MOB3B: variants seen among roughly 807,000 people sequenced by gnomAD.
MOB3B encodes MOB kinase activator 3B.
In MOB3B, 7 loss-of-function variants were observed where a neutral mutation model predicts 18.7. The observed-to-expected ratio is 0.37, with a 90% CI of 0.21 to 0.70. MOB3B has a LOEUF of 0.70. Ranked by LOEUF, MOB3B falls within the 30% of genes least tolerant of loss-of-function variation. The pLI is 0.52. For missense variants in MOB3B, 253 were observed against 281.3 expected, an observed-to-expected ratio of 0.90 and a Z score of 0.72; for synonymous variants, 111 against 99.9, an observed-to-expected ratio of 1.11 and a Z score of -0.66.
intron 1 of MOB3B, chr9:27,524,210 A>C (rs1029558493): frequency 1.9e-5 from 18 of 939,736 alleles, no homozygotes; most frequent in Non-Finnish European, 2.6e-5. Context: ...ACCTTGGTTA[A>C]CTGTGAAATG....
chr9:27,470,030 G>A (rs1489418491), intron 1 of MOB3B, among the ~76,000 whole-genome samples: 4 of 150,364 alleles, frequency 2.7e-5, no homozygotes, highest in Non-Finnish European at 4.4e-5. Context: ...GATCACATGA[G>A]CCTAGGAGTT....
chr9:27,473,691 G>A (rs1049570975), intron 1 of MOB3B, among the ~76,000 whole-genome samples: 4 of 152,050 alleles, frequency 2.6e-5, no homozygotes, highest in African/African-American at 4.8e-5. Flanking sequence ...AGCTTCATCA[G>A]AGGTCATGCA....
At chr9:27,359,978 C>T (rs1821249587) in intron 2 of MOB3B, among the ~76,000 whole-genome samples, 1 of 152,178 alleles carries the variant, frequency 6.6e-6, no homozygotes. Context: ...CTAAGCTAAA[C>T]AGACATTGTT....
chr9:27,358,365 T>A (rs117702293), intron 3 of MOB3B, among the ~76,000 whole-genome samples: 2 of 152,204 alleles, frequency 1.3e-5, no homozygotes, highest in African/African-American at 4.8e-5. Flanking sequence ...GAAGCACAGA[T>A]TGAGTGCCAC....
chr9:27,517,505 G>A (rs1172173280), intron 1 of MOB3B, among the ~76,000 whole-genome samples: 3 of 151,664 alleles, frequency 2.0e-5, no homozygotes, highest in African/African-American at 7.3e-5. Context: ...AAAATTAGCC[G>A]GGCGTAGTGG....
intron 2 of MOB3B, among the ~76,000 whole-genome samples, chr9:27,404,186 T>C (rs1004735927): frequency 2.0e-5 from 3 of 151,920 alleles, no homozygotes; most frequent in African/African-American, 7.3e-5. Context: ...AACGAGAACA[T>C]GTGCTATTTA....
chr9:27,376,818 C>G (rs974137953), intron 2 of MOB3B, among the ~76,000 whole-genome samples: 2 of 152,216 alleles, frequency 1.3e-5, no homozygotes, highest in African/African-American at 4.8e-5. Context: ...GGACAAGGGT[C>G]CAGCAATCTG....
chr9:27,341,512 A>G (rs750996050), intron 3 of MOB3B, among the ~76,000 whole-genome samples: 3 of 152,240 alleles, frequency 2.0e-5, no homozygotes, highest in Non-Finnish European at 4.4e-5. Flanking sequence ...CTCCTTTGGT[A>G]GGAACAAAGT....
chr9:27,442,562 T>G (rs1404121416), intron 2 of MOB3B, among the ~76,000 whole-genome samples: 1 of 152,180 alleles, frequency 6.6e-6, no homozygotes, highest in Non-Finnish European at 1.5e-5. Flanking sequence ...GCCAGGTATT[T>G]CTACCTCCCA....
intron 2 of MOB3B, among the ~76,000 whole-genome samples, chr9:27,416,544 ATTTTTTTTTTTTT>A (rs559806304): frequency 0.065 from 7,894 of 121,504 alleles, 807 homozygotes; most frequent in African/African-American, 0.22. Context: ...TTTCTTTTTA[ATTTTTTTTTTTTT>A]TTTTTTTTTT....
At chr9:27,384,937 G>T (rs1000371182) in intron 2 of MOB3B, among the ~76,000 whole-genome samples, 1 of 152,208 alleles carries the variant, frequency 6.6e-6, no homozygotes, top group African/African-American at 2.4e-5. Context: ...AGGAACTTGG[G>T]TCATGTCTCT....
intron 2 of MOB3B, among the ~76,000 whole-genome samples, chr9:27,386,854 C>T (rs1587173471): frequency 6.6e-6 from 1 of 152,250 alleles, no homozygotes; most frequent in East Asian, 1.9e-4. Context: ...CTGCAATCTA[C>T]TTGCTCCTGG....
rs148198585 is a variant in MOB3B, at chr9:27,447,614, G to A, written c.418+7519C>T. 8.7e-4 allele frequency among the ~76,000 whole-genome samples: 132 copies of A among 152,290 alleles called. 1 individual carries two copies. Among genetic ancestry groups the A allele is most frequent in the African/African-American group, 3.0e-3 (125 of 41,552 alleles). ...CTGTAACTTACAGAGCAGTCTTCAG[G>A]CCCTCTAAGGGCCTCCTGCCTTTAC... On this transcript the variant is annotated intron_variant, in intron 2 of 3. Coordinates refer to ENST00000262244, the MANE Select transcript of MOB3B (RefSeq NM_024761.5).
At chr9:27,487,153 A>AAATAAATAAAAT (rs1241652908) in intron 1 of MOB3B, among the ~76,000 whole-genome samples, 1 of 22,846 alleles carries the variant, frequency 4.4e-5, no homozygotes, top group Non-Finnish European at 2.5e-4. Flanking sequence ...ATAAATAAAT[A>AAATAAATAAAAT]AAATAAATAA....
intron 1 of MOB3B, among the ~76,000 whole-genome samples, chr9:27,472,426 T>A (rs1043408744): frequency 2.6e-5 from 4 of 152,146 alleles, no homozygotes; most frequent in Non-Finnish European, 5.9e-5. Flanking sequence ...GCTCGCTTTA[T>A]TTTTGGTCCA....
At chr9:27,378,630 C>G (rs1055666698) in intron 2 of MOB3B, 1 of 471,016 alleles carries the variant, frequency 2.1e-6, no homozygotes, top group Non-Finnish European at 4.4e-6. Flanking sequence ...CTTTCTGGTC[C>G]ATTCTCCCAG....
At chr9:27,492,280 T>C in intron 1 of MOB3B, among the ~76,000 whole-genome samples, 1 of 152,176 alleles carries the variant, frequency 6.6e-6, no homozygotes, top group East Asian at 1.9e-4. Flanking sequence ...TTCACACTCA[T>C]TATAATGATC....
chr9:27,406,003 A>G (rs1821963714), intron 2 of MOB3B, among the ~76,000 whole-genome samples: 1 of 152,222 alleles, frequency 6.6e-6, no homozygotes, highest in Admixed American at 6.5e-5. Context: ...TTTTTATCTA[A>G]GATTTGGAAC....
intron 2 of MOB3B, among the ~76,000 whole-genome samples, chr9:27,453,656 C>T (rs1163107645): frequency 6.6e-6 from 1 of 152,090 alleles, no homozygotes; most frequent in African/African-American, 2.4e-5. Flanking sequence ...GCAGAGAGAA[C>T]AGGAGTATGC....
Sources: gnomAD v4.1 joint callset for allele counts (sites outside exome capture counted in the v4.1 genomes callset) on GRCh38, gnomAD v4.1.1 for gene constraint, MANE v1.5 for transcripts, NCBI Gene and HGNC (gene_info 2026-07-23, HGNC 2026-07-21) for gene names.